PCGF6: variants seen among roughly 807,000 people sequenced by gnomAD.
The protein encoded by PCGF6 is polycomb group RING finger protein 6.
Under a neutral mutation model 45.5 loss-of-function variants are expected in PCGF6, and 24 were observed. The ratio of observed to expected loss-of-function variants is 0.53; its 90% confidence interval spans 0.38 to 0.74. The LOEUF (loss-of-function observed/expected upper bound fraction) is 0.74. Among genes scored for constraint, PCGF6 ranks in the 30% least tolerant of loss-of-function variants. PCGF6 has a pLI of 0.00. For synonymous variants in PCGF6, 152 were observed against 162.1 expected, an observed-to-expected ratio of 0.94 and a Z score of 0.47; for missense variants, 356 against 443.2, an observed-to-expected ratio of 0.80 and a Z score of 1.77.
chr10:103,350,869 C>G lies in PCGF6; in HGVS notation c.198G>C (p.Pro66=). The change falls in exon 1 of 10, where the codon CCG becomes CCC. Residue 66 remains proline, a synonymous_variant. Coordinates refer to ENST00000369847, the MANE Select transcript of PCGF6 (RefSeq NM_001011663.2). ...CSGSRPPELE[P]ERSLGRFRGR... is the part of the protein sequence containing the mutation. ...CTCTGAAGCGGCCCAGGCTGCGCTC[C>G]GGCTCCAGCTCAGGGGGCCGGGAGC... 6.5e-7 allele frequency: 1 copy of G among 1,539,616 alleles called. No homozygotes were observed. The highest frequency in any genetic ancestry group is 8.7e-7 in the Non-Finnish European group (1 of 1,143,550).
intron 8 of PCGF6, among the ~76,000 whole-genome samples, chr10:103,322,903 CA>C (rs921634174): frequency 9.4e-4 from 130 of 137,688 alleles, no homozygotes; most frequent in African/African-American, 2.6e-3. Context: ...AAACAAAAAA[CA>C]AAAAAAAAAA....
At chr10:103,308,680 G>A (rs993407104) in intron 9 of PCGF6, among the ~76,000 whole-genome samples, 6 of 151,768 alleles carry the variant, frequency 4.0e-5, no homozygotes, top group Non-Finnish European at 8.8e-5. Flanking sequence ...GAGACCAGCC[G>A]GGGCAACATG....
chr10:103,315,398 C>T (rs1246094421), intron 8 of PCGF6, among the ~76,000 whole-genome samples: 4 of 152,092 alleles, frequency 2.6e-5, no homozygotes, highest in African/African-American at 4.8e-5. Context: ...CTCGCTCTGT[C>T]GCCCAGGCTG....
chr10:103,340,198 A>AAATATAT (rs1554865190), intron 6 of PCGF6, among the ~76,000 whole-genome samples: 1 of 87,910 alleles, frequency 1.1e-5, no homozygotes, highest in African/African-American at 5.3e-5. Flanking sequence ...AAAAAAAAAA[A>AAATATAT]ATATATATAT....
Position 103,350,963 on chromosome 10 carries a change from G to C in PCGF6, c.104C>G (p.Thr35Ser), listed in dbSNP as rs910034457. 1.4e-6 allele frequency: 2 copies of C among 1,451,954 alleles called. No individual in the cohort carries two copies. Among genetic ancestry groups the C allele is most frequent in the South Asian group, 2.8e-5 (2 of 70,364 alleles). 89.9% of individuals were successfully genotyped at this position (1,451,954 alleles called of 1,614,324 possible). ...CTCCTCACCCGCTGCGGGTGCAGGG[G>C]TGAGGGCGGGCGGGGAGACAGGAGG... is the stretch of plus-strand genomic sequence containing the variant. ...PPPPVSPPAL[T>S]PAPAAGEEGP... The change falls in exon 1 of 10, where the codon ACC becomes AGC. Residue 35 changes from threonine (T) to serine (S), a missense_variant. Thr to Ser is a moderately conservative substitution (Grantham distance 58). Coordinates refer to ENST00000369847, the MANE Select transcript of PCGF6 (RefSeq NM_001011663.2).
intron 7 of PCGF6, among the ~76,000 whole-genome samples, chr10:103,328,043 C>A (rs1038832901): frequency 3.3e-5 from 5 of 151,836 alleles, no homozygotes; most frequent in Non-Finnish European, 7.4e-5. Context: ...AATGTGGGAC[C>A]CAATAGTTTG....
At chr10:103,316,594 T>G (rs1368430760) in intron 8 of PCGF6, among the ~76,000 whole-genome samples, 1 of 152,114 alleles carries the variant, frequency 6.6e-6, no homozygotes, top group Admixed American at 6.6e-5. Flanking sequence ...AAGATCTAAT[T>G]TTCTCCAAAG....
chr10:103,330,004 G>A (rs1011485458), intron 7 of PCGF6, among the ~76,000 whole-genome samples: 4 of 150,646 alleles, frequency 2.7e-5, no homozygotes, highest in Non-Finnish European at 4.4e-5. Flanking sequence ...CTCCTGACTC[G>A]TGATCCACCC....
At chr10:103,323,741 C>T (rs556464325) in intron 8 of PCGF6, among the ~76,000 whole-genome samples, 12 of 149,990 alleles carry the variant, frequency 8.0e-5, no homozygotes, top group Admixed American at 5.4e-4. Context: ...TACAGGTGTG[C>T]GCCACCATAC....
chr10:103,316,968 A>G (rs2093178205), intron 8 of PCGF6, among the ~76,000 whole-genome samples: 1 of 152,164 alleles, frequency 6.6e-6, no homozygotes, highest in South Asian at 2.1e-4. Flanking sequence ...TTAGATCCAT[A>G]AAAAGTTAAA....
intron 6 of PCGF6, 31 bp downstream of exon 6, chr10:103,344,993 A>C (rs1413258167): frequency 8.4e-6 from 12 of 1,426,580 alleles, no homozygotes; most frequent in Non-Finnish European, 1.2e-5. Context: ...AACATTCTTT[A>C]AGTTAAAAGG....
At chr10:103,330,717 C>G (rs2093236974) in intron 7 of PCGF6, among the ~76,000 whole-genome samples, 2 of 152,170 alleles carry the variant, frequency 1.3e-5, no homozygotes, top group Non-Finnish European at 1.5e-5. Context: ...CACCTGAGGT[C>G]AGAAGTTCAA....
chr10:103,324,473 T>C (rs765121004), intron 8 of PCGF6, among the ~76,000 whole-genome samples: 1 of 151,524 alleles, frequency 6.6e-6, no homozygotes, highest in African/African-American at 2.4e-5. Flanking sequence ...GAAGAAAATA[T>C]TATGGCTGGG....
chr10:103,308,402 T>C (rs2093144962), intron 9 of PCGF6, among the ~76,000 whole-genome samples: 1 of 142,934 alleles, frequency 7.0e-6, no homozygotes, highest in African/African-American at 2.5e-5. Flanking sequence ...ATTTTAGAGC[T>C]TTTTTTTTTT....
intron 8 of PCGF6, among the ~76,000 whole-genome samples, chr10:103,320,522 T>TA (rs1350999770): frequency 6.6e-5 from 10 of 151,986 alleles, no homozygotes; most frequent in African/African-American, 2.2e-4. Context: ...CTCTGTCTAC[T>TA]AAAAAAACTA....
chr10:103,315,635 A>C (rs2093172221), intron 8 of PCGF6, among the ~76,000 whole-genome samples: 1 of 152,080 alleles, frequency 6.6e-6, no homozygotes. Context: ...CTGGGATTAC[A>C]GGCGTGAGCC....
intron 5 of PCGF6, among the ~76,000 whole-genome samples, chr10:103,346,407 C>T (rs2093299609): frequency 6.6e-6 from 1 of 151,818 alleles, no homozygotes; most frequent in African/African-American, 2.4e-5. Context: ...GGGCAGATCA[C>T]GAGGTCAAGA....
At chr10:103,327,234 A>C (rs1481648348) in intron 7 of PCGF6, among the ~76,000 whole-genome samples, 1 of 152,178 alleles carries the variant, frequency 6.6e-6, no homozygotes, top group Non-Finnish European at 1.5e-5. Context: ...GCAGAGAGCC[A>C]AGATCGTGCC....
At chr10:103,346,617 AATC>A (rs1186015736) in intron 5 of PCGF6, among the ~76,000 whole-genome samples, 3 of 151,910 alleles carry the variant, frequency 2.0e-5, no homozygotes, top group African/African-American at 4.8e-5. Context: ...CTCAAAAAAT[AATC>A]ATAATAAATA....
Sources: allele counts gnomAD v4.1 joint callset (sites outside exome capture counted in the v4.1 genomes callset), GRCh38; gene constraint gnomAD v4.1.1; transcripts MANE v1.5; gene names NCBI Gene and HGNC (gene_info 2026-07-23, HGNC 2026-07-21).